Variants in NRG3 observed in about 807,000 individuals in gnomAD.
NRG3 encodes the protein pro-neuregulin-3, membrane-bound isoform.
Under a neutral mutation model 66.9 loss-of-function variants are expected in NRG3, and 31 were observed. The ratio of observed to expected loss-of-function variants is 0.46; its 90% confidence interval spans 0.35 to 0.63. The LOEUF (loss-of-function observed/expected upper bound fraction) is 0.63, where lower values mean the gene tolerates loss of function less well. NRG3 is among the 20% of genes least tolerant of loss of function. NRG3 has a pLI of 0.00. For synonymous variants in NRG3, 393 were observed against 359.4 expected, an observed-to-expected ratio of 1.09 and a Z score of -1.06; for missense variants, 910 against 878.9, an observed-to-expected ratio of 1.04 and a Z score of -0.45.
intron 4 of NRG3, among the ~76,000 whole-genome samples, chr10:82,923,566 T>C (rs1219703012): frequency 6.6e-6 from 1 of 152,240 alleles, no homozygotes; most frequent in Non-Finnish European, 1.5e-5. Context: ...AATCAATAAT[T>C]GTAAATACCT....
chr10:82,563,196 T>TTG (rs1402049095), intron 2 of NRG3, among the ~76,000 whole-genome samples: 2 of 152,166 alleles, frequency 1.3e-5, no homozygotes, highest in East Asian at 3.9e-4. Flanking sequence ...CAATTGAACA[T>TTG]TATTTTTTGA....
At chr10:82,545,291 T>A (rs1369502370) in intron 2 of NRG3, among the ~76,000 whole-genome samples, 4 of 152,138 alleles carry the variant, frequency 2.6e-5, no homozygotes, top group Non-Finnish European at 4.4e-5. Flanking sequence ...TACACAGTCA[T>A]ATTTCTTAAA....
At chr10:82,199,455 G>C (rs748063546) in intron 1 of NRG3, among the ~76,000 whole-genome samples, 1 of 152,140 alleles carries the variant, frequency 6.6e-6, no homozygotes, top group Non-Finnish European at 1.5e-5. Flanking sequence ...TTAAATACCA[G>C]ATAGGTTGGG....
chr10:82,472,342 A>G (rs1337740963), intron 2 of NRG3, among the ~76,000 whole-genome samples: 1 of 152,226 alleles, frequency 6.6e-6, no homozygotes, highest in Non-Finnish European at 1.5e-5. Flanking sequence ...TAGTTCAATG[A>G]TGAGAAATGC....
chr10:82,348,518 A>C (rs901925989), intron 1 of NRG3, among the ~76,000 whole-genome samples: 1 of 148,728 alleles, frequency 6.7e-6, no homozygotes, highest in African/African-American at 2.5e-5. Context: ...CTTCATTTCA[A>C]CTTTGGTGAA....
At chr10:82,670,163 C>T (rs2053152598) in intron 2 of NRG3, among the ~76,000 whole-genome samples, 1 of 152,038 alleles carries the variant, frequency 6.6e-6, no homozygotes, top group African/African-American at 2.4e-5. Flanking sequence ...ACCCTACTCT[C>T]CCTCCCTCTG....
intron 2 of NRG3, among the ~76,000 whole-genome samples, chr10:82,462,489 CT>C (rs765646026): frequency 3.3e-5 from 5 of 152,002 alleles, no homozygotes; most frequent in Non-Finnish European, 7.4e-5. Context: ...GGGAAATGTC[CT>C]GTTGAGATTA....
At chr10:82,772,101 T>A (rs2059733869) in intron 3 of NRG3, among the ~76,000 whole-genome samples, 1 of 152,162 alleles carries the variant, frequency 6.6e-6, no homozygotes, top group Non-Finnish European at 1.5e-5. Flanking sequence ...GATGTCTACT[T>A]TTTTTCAAAT....
intron 2 of NRG3, among the ~76,000 whole-genome samples, chr10:82,378,229 G>C (rs1030150586): frequency 6.6e-6 from 1 of 152,174 alleles, no homozygotes; most frequent in Non-Finnish European, 1.5e-5. Flanking sequence ...AAGTTACAGA[G>C]GGAAAGCATT....
intron 2 of NRG3, among the ~76,000 whole-genome samples, chr10:82,434,288 A>G (rs2089996074): frequency 6.6e-6 from 1 of 152,116 alleles, no homozygotes; most frequent in Non-Finnish European, 1.5e-5. Context: ...TGATTTTTGC[A>G]CATTGATTTT....
intron 1 of NRG3, among the ~76,000 whole-genome samples, chr10:82,329,288 T>C (rs1185255470): frequency 6.6e-6 from 1 of 152,158 alleles, no homozygotes; most frequent in South Asian, 2.1e-4. Context: ...ATTGTGCTCT[T>C]TTATAAAAAT....
At chr10:82,652,995 G>T (rs1159483113) in intron 2 of NRG3, among the ~76,000 whole-genome samples, 1 of 152,200 alleles carries the variant, frequency 6.6e-6, no homozygotes, top group East Asian at 1.9e-4. Context: ...CTGGTATTTG[G>T]AGGGCATAAG....
intron 2 of NRG3, among the ~76,000 whole-genome samples, chr10:82,418,382 A>T (rs1357667709): frequency 6.9e-6 from 1 of 145,682 alleles, no homozygotes; most frequent in African/African-American, 2.6e-5. Flanking sequence ...TAAAAAATTA[A>T]CCAGTTTATG....
intron 1 of NRG3, among the ~76,000 whole-genome samples, chr10:82,218,751 C>T (rs183031632): frequency 1.3e-5 from 2 of 152,238 alleles, no homozygotes; most frequent in East Asian, 1.9e-4. Flanking sequence ...TAATTACCAC[C>T]TCCCATGATC....
At chr10:82,102,428 TTTG>T (rs1270209583) in intron 1 of NRG3, among the ~76,000 whole-genome samples, 2 of 151,396 alleles carry the variant, frequency 1.3e-5, no homozygotes, top group Non-Finnish European at 3.0e-5. Flanking sequence ...CATTTTGTTA[TTTG>T]TTGTTGTTAG....
chr10:82,853,955 A>T (rs1017017825), intron 3 of NRG3, among the ~76,000 whole-genome samples: 1 of 152,092 alleles, frequency 6.6e-6, no homozygotes, highest in South Asian at 2.1e-4. Context: ...GGCTTTTATG[A>T]CTTCGAGGTA....
intron 3 of NRG3, among the ~76,000 whole-genome samples, chr10:82,804,234 G>C (rs1241168246): frequency 6.6e-6 from 1 of 152,082 alleles, no homozygotes; most frequent in Non-Finnish European, 1.5e-5. Context: ...ACTTAATAAG[G>C]AAAGAAAAAA....
chr10:82,296,502 G>A (rs1376161668), intron 1 of NRG3, among the ~76,000 whole-genome samples: 3 of 152,036 alleles, frequency 2.0e-5, no homozygotes, highest in Non-Finnish European at 2.9e-5. Flanking sequence ...GGATAAATTT[G>A]CTTAATTGTT....
rs113638146 is a variant in NRG3, at chr10:82,569,164, A to G, written c.954-169413A>G. ...ATGAAGAGTCCATGCCTGATTCATC[A>G]TGTAGCCCCACTTGTGAGTACCTTA... On this transcript the variant is annotated intron_variant, in intron 2 of 8. Transcript: ENST00000372141. Among the ~76,000 whole-genome samples the G allele has an allele frequency of 3.2e-3, 483 of 151,894 alleles. 4 individuals are homozygous for G. Among genetic ancestry groups the G allele is most frequent in the African/African-American group, 0.011 (473 of 41,494 alleles).
Sources: gnomAD v4.1 joint callset for allele counts (sites outside exome capture counted in the v4.1 genomes callset) on GRCh38, gnomAD v4.1.1 for gene constraint, MANE v1.5 for transcripts, NCBI Gene and HGNC (gene_info 2026-07-23, HGNC 2026-07-21) for gene names.